AFF3: variants seen among roughly 807,000 people sequenced by gnomAD.
The protein encoded by AFF3 is ALF transcription elongation factor 3.
AFF3 carries 32 observed loss-of-function variants against 129.7 expected under a neutral mutation model. The ratio of observed to expected loss-of-function variants is 0.25; its 90% confidence interval spans 0.19 to 0.33. The LOEUF is 0.33. AFF3 is among the 10% of genes least tolerant of loss of function. The pLI, the probability that AFF3 is intolerant of heterozygous loss-of-function variation, is 1.00. For synonymous variants in AFF3, 644 were observed against 635.4 expected (o/e 1.01, Z -0.20); for missense variants, 1,373 against 1,592.0 (o/e 0.86, Z 2.34).
Position 100,105,489 on chromosome 2 carries a change from CT to C in AFF3, c.-65+14del. 1 of 1,328,160 alleles carries C rather than the reference CT, an allele frequency of 7.5e-7. No homozygotes were observed. The highest frequency in any genetic ancestry group is 1.0e-6 in the Non-Finnish European group (1 of 1,003,094). The allele number at this position is 1,328,160 out of a possible 1,614,324, so 82.3% of individuals were successfully genotyped here. A position where few individuals can be genotyped will look rare whatever the true frequency, so the allele number is the denominator to read the frequency against. On this transcript the variant is annotated intron_variant, in intron 3 of 24. Transcript: ENST00000672756. Reference sequence around the variant, plus strand: ...CCAGCCCTGGAAACCAACCTCCTTTCTTTTTATTTCTCACCGGGAAGGGGGA... The same window carrying C: ...CCAGCCCTGGAAACCAACCTCCTTTCTTTTATTTCTCACCGGGAAGGGGGA...
At chr2:99,554,275 C>T (rs527637614) in intron 24 of AFF3, 36 bp downstream of exon 24, 25 of 1,608,798 alleles carry the variant, frequency 1.6e-5, no homozygotes, top group African/African-American at 1.5e-4. Context: ...ACCCGGGAGG[C>T]GGAAGCCCCT....
chr2:99,628,694 T>A (rs1311279274), intron 13 of AFF3, among the ~76,000 whole-genome samples: 11 of 148,718 alleles, frequency 7.4e-5, no homozygotes, highest in Non-Finnish European at 1.2e-4. Flanking sequence ...GTAGCTGGGA[T>A]TACAGGCACG....
intron 15 of AFF3, among the ~76,000 whole-genome samples, chr2:99,589,141 T>G (rs1678409019): frequency 6.6e-6 from 1 of 152,226 alleles, no homozygotes; most frequent in Admixed American, 6.5e-5. Flanking sequence ...ATTTCATGTG[T>G]ATATTTCCAT....
intron 7 of AFF3, among the ~76,000 whole-genome samples, chr2:99,963,379 A>G (rs1034083137): frequency 1.1e-4 from 16 of 152,172 alleles, no homozygotes; most frequent in African/African-American, 3.9e-4. Flanking sequence ...TTGATGGTTG[A>G]AGCAAAAATT....
At chr2:99,941,826 T>C (rs147112055) in intron 7 of AFF3, among the ~76,000 whole-genome samples, 80 of 152,274 alleles carry the variant, frequency 5.3e-4, no homozygotes, top group Non-Finnish European at 1.0e-3. Flanking sequence ...ATAACGAAAA[T>C]GAATGAATCT....
intron 12 of AFF3, among the ~76,000 whole-genome samples, chr2:99,669,584 G>A (rs1686972742): frequency 6.6e-6 from 1 of 152,106 alleles, no homozygotes; most frequent in Non-Finnish European, 1.5e-5. Context: ...GGGAGCATGG[G>A]GGCACCTGGG....
At chr2:99,662,902 A>G (rs868075376) in intron 12 of AFF3, among the ~76,000 whole-genome samples, 9 of 152,162 alleles carry the variant, frequency 5.9e-5, no homozygotes, top group African/African-American at 2.2e-4. Flanking sequence ...GACAAGCACA[A>G]TGATTCTATT....
At position 99,551,033 on chromosome 2, in the gene AFF3, G is replaced by C; in HGVS notation, c.*441C>G. The stretch of plus-strand genomic sequence containing the variant: ...ATCTTCACTGGCAGTCAAGCTTTTG[G>C]TGTGCTGTATTGCACCTGGTTAACT... On this transcript the variant is annotated 3_prime_UTR_variant, in exon 25 of 25. Transcript: ENST00000672756. 2.5e-6 allele frequency: 1 copy of C among 404,034 alleles called. No individual in the cohort carries two copies. The highest frequency in any genetic ancestry group is 4.4e-6 in the Non-Finnish European group (1 of 228,406). The allele number at this position is 404,034 out of a possible 1,614,324, so 25.0% of individuals were successfully genotyped here.
intron 18 of AFF3, among the ~76,000 whole-genome samples, chr2:99,574,509 C>A (rs1410646929): frequency 1.3e-5 from 2 of 152,076 alleles, no homozygotes; most frequent in Non-Finnish European, 2.9e-5. Flanking sequence ...AATTTACATT[C>A]ACCTGCATGT....
At position 99,628,169 on chromosome 2, in the gene AFF3, T is replaced by C. The variant is rs993998063; in HGVS notation, c.1184+21457A>G. On this transcript the variant is annotated intron_variant, in intron 13 of 24. Transcript: ENST00000672756. The stretch of plus-strand genomic sequence containing the variant: ...AATTTCTTTGGGCAGTATGGCCATT[T>C]TCATGACATTGATTCTTCCTATCCA... Among the ~76,000 whole-genome samples the C allele has an allele frequency of 5.3e-5, 8 of 152,362 alleles. No homozygotes were observed. In the South Asian group the frequency reaches 1.0e-3, roughly 20 times the overall value.
chr2:100,056,254 G>A (rs1686776983), intron 4 of AFF3, among the ~76,000 whole-genome samples: 1 of 152,054 alleles, frequency 6.6e-6, no homozygotes, highest in African/African-American at 2.4e-5. Flanking sequence ...TGTATCAGAC[G>A]AATGATCCCA....
At chr2:99,981,131 G>C (rs566974638) in intron 7 of AFF3, among the ~76,000 whole-genome samples, 2 of 152,216 alleles carry the variant, frequency 1.3e-5, no homozygotes, top group South Asian at 4.2e-4. Flanking sequence ...CGATTCTCCT[G>C]CCTCAGCCTC....
chr2:100,020,631 G>T (rs1477756895), intron 4 of AFF3, among the ~76,000 whole-genome samples: 1 of 152,016 alleles, frequency 6.6e-6, no homozygotes, highest in East Asian at 1.9e-4. Context: ...TCAGAAACCT[G>T]GGCATCATCT....
chr2:99,953,957 G>A (rs1355447506), intron 7 of AFF3, among the ~76,000 whole-genome samples: 1 of 152,172 alleles, frequency 6.6e-6, no homozygotes, highest in African/African-American at 2.4e-5. Flanking sequence ...TGAGTGACTG[G>A]GGAGACACAG....
At chr2:99,642,907 T>C (rs1399958002) in intron 13 of AFF3, among the ~76,000 whole-genome samples, 1 of 152,178 alleles carries the variant, frequency 6.6e-6, no homozygotes, top group South Asian at 2.1e-4. Context: ...GTAAATGTGA[T>C]AGTGATTCTA....
chr2:100,079,854 C>T (rs1398491225), intron 4 of AFF3, among the ~76,000 whole-genome samples: 2 of 152,138 alleles, frequency 1.3e-5, no homozygotes, highest in African/African-American at 4.8e-5. Flanking sequence ...AGACTCACCA[C>T]ACAAAAAGAA....
chr2:99,832,671 G>T (rs1475950916), intron 8 of AFF3, among the ~76,000 whole-genome samples: 1 of 152,244 alleles, frequency 6.6e-6, no homozygotes, highest in Non-Finnish European at 1.5e-5. Flanking sequence ...TAACCGTTCA[G>T]ATGGCTAAAT....
At chr2:99,886,891 AAC>A (rs1358501939) in intron 7 of AFF3, among the ~76,000 whole-genome samples, 1 of 152,066 alleles carries the variant, frequency 6.6e-6, no homozygotes, top group Non-Finnish European at 1.5e-5. Flanking sequence ...AATTTAGGAA[AAC>A]CATGTTTAAA....
intron 11 of AFF3, among the ~76,000 whole-genome samples, chr2:99,690,484 A>C (rs1675548527): frequency 6.6e-6 from 1 of 152,046 alleles, no homozygotes; most frequent in Admixed American, 6.6e-5. Context: ...CTCGGCCAAT[A>C]ACCACAATCT....
Sources: allele counts gnomAD v4.1 joint callset (sites outside exome capture counted in the v4.1 genomes callset), GRCh38; gene constraint gnomAD v4.1.1; transcripts MANE v1.5; gene names NCBI Gene and HGNC (gene_info 2026-07-23, HGNC 2026-07-21).